RXFP1: variants seen among roughly 807,000 people sequenced by gnomAD.
RXFP1 encodes relaxin family peptide receptor 1, also known as relaxin receptor 1.
In RXFP1, 73 loss-of-function variants were observed where a neutral mutation model predicts 89.8. The observed-to-expected ratio is 0.81, with a 90% CI of 0.67 to 0.99. The LOEUF (loss-of-function observed/expected upper bound fraction) is 0.99, where lower values mean the gene tolerates loss of function less well. Among genes scored for constraint, RXFP1 ranks in the 50% least tolerant of loss-of-function variants. The pLI is 0.00. For synonymous variants in RXFP1, 277 were observed against 305.5 expected, an observed-to-expected ratio of 0.91 and a Z score of 0.97; for missense variants, 793 against 895.5, an observed-to-expected ratio of 0.89 and a Z score of 1.46.
chr4:158,535,592 A>C (rs1745098310), intron 1 of RXFP1, among the ~76,000 whole-genome samples: 1 of 152,256 alleles, frequency 6.6e-6, no homozygotes, highest in South Asian at 2.1e-4. Context: ...ATTGCACTTG[A>C]GTCACTGGAA....
At chr4:158,547,206 A>G in intron 1 of RXFP1, among the ~76,000 whole-genome samples, 1 of 151,900 alleles carries the variant, frequency 6.6e-6, no homozygotes, top group Admixed American at 6.6e-5. Context: ...GAATTTATCC[A>G]TTTCTTCTAG....
At chr4:158,650,788 A>T (rs1772554011) in intron 17 of RXFP1, among the ~76,000 whole-genome samples, 1 of 152,062 alleles carries the variant, frequency 6.6e-6, no homozygotes, top group Non-Finnish European at 1.5e-5. Context: ...AAACAATTGT[A>T]TATATTAATA....
At chr4:158,546,633 C>G (rs1560983665) in intron 1 of RXFP1, among the ~76,000 whole-genome samples, 1 of 152,146 alleles carries the variant, frequency 6.6e-6, no homozygotes, top group Non-Finnish European at 1.5e-5. Flanking sequence ...CCATCGATAC[C>G]TAATTTATTG....
chr4:158,652,351 C>T lies in RXFP1; in HGVS notation c.*296C>T, dbSNP rs147236466. ...TGAGTACCCACTACTATGTGCATAG[C>T]ATTGCAATATAGTCCTGGAAGTAGA... On this transcript the variant is annotated 3_prime_UTR_variant, in exon 18 of 18. Transcript: ENST00000307765. The T allele has an allele frequency of 4.5e-4, 116 of 257,934 alleles. No homozygotes were observed. Among genetic ancestry groups the T allele is most frequent in the African/African-American group, 2.5e-3 (112 of 44,366 alleles). The allele number at this position is 257,934 out of a possible 1,614,324, so 16.0% of individuals were successfully genotyped here. A position where few individuals can be genotyped will look rare whatever the true frequency, so the allele number is the denominator to read the frequency against.
intron 1 of RXFP1, among the ~76,000 whole-genome samples, chr4:158,525,654 G>A (rs1237565951): frequency 2.0e-5 from 3 of 152,120 alleles, no homozygotes; most frequent in African/African-American, 4.8e-5. Flanking sequence ...TATATTTATG[G>A]GTGTAGTTGT....
intron 1 of RXFP1, among the ~76,000 whole-genome samples, chr4:158,528,775 T>A (rs1407929264): frequency 6.6e-6 from 1 of 152,160 alleles, no homozygotes; most frequent in East Asian, 1.9e-4. Flanking sequence ...CAGGAGTAAT[T>A]TATAGACTAT....
chr4:158,607,298 T>A (rs1401581036), intron 5 of RXFP1, among the ~76,000 whole-genome samples: 4 of 151,610 alleles, frequency 2.6e-5, no homozygotes, highest in African/African-American at 9.8e-5. Context: ...CAATCTAATT[T>A]ATATTCTTCT....
chr4:158,607,531 T>C (rs1335986119), intron 5 of RXFP1, among the ~76,000 whole-genome samples: 1 of 152,204 alleles, frequency 6.6e-6, no homozygotes, highest in African/African-American at 2.4e-5. Context: ...GTTTAAAGAA[T>C]TATAACAAGA....
At chr4:158,606,379 A>G (rs1268562716) in intron 5 of RXFP1, among the ~76,000 whole-genome samples, 1 of 152,228 alleles carries the variant, frequency 6.6e-6, no homozygotes, top group Non-Finnish European at 1.5e-5. Context: ...AATTTGTTCC[A>G]TATAACAAAA....
At chr4:158,651,405 C>T (rs1057057398) in intron 17 of RXFP1, among the ~76,000 whole-genome samples, 5 of 152,122 alleles carry the variant, frequency 3.3e-5, no homozygotes, top group African/African-American at 4.8e-5. Context: ...TTATTAAGCA[C>T]TTAAATTTAT....
chr4:158,622,893 G>A (rs1254329963), intron 9 of RXFP1, among the ~76,000 whole-genome samples: 5 of 152,078 alleles, frequency 3.3e-5, no homozygotes, highest in Non-Finnish European at 7.4e-5. Flanking sequence ...TAAGGTGATG[G>A]GTATGTTAAT....
rs1241024798 is a variant in RXFP1 at position 158,608,810 on chromosome 4, AGCCCCTG to A, written c.536+770_536+776del. Among the ~76,000 whole-genome samples the A allele has an allele frequency of 8.5e-5, 13 of 152,214 alleles. No homozygotes were observed. In the South Asian group the frequency reaches 2.7e-3, roughly 32 times the overall value. ...TCTCTCCCAATTTCCCCCTCTCCCC[AGCCCCTG>A]GCAACCATCATTCTACTTTCTGTAT... On this transcript the variant is annotated intron_variant, in intron 6 of 17. Transcript: ENST00000307765.
chr4:158,588,636 C>T (rs1307244080), intron 2 of RXFP1, among the ~76,000 whole-genome samples: 1 of 152,202 alleles, frequency 6.6e-6, no homozygotes. Context: ...AACCAAGATA[C>T]ATGTGAGTGG....
intron 11 of RXFP1, among the ~76,000 whole-genome samples, chr4:158,633,169 CA>C (rs1305073670): frequency 2.1e-5 from 3 of 144,844 alleles, no homozygotes; most frequent in Non-Finnish European, 3.0e-5. Context: ...TACTCGGTCT[CA>C]AAAAAAAAAG....
intron 16 of RXFP1, among the ~76,000 whole-genome samples, chr4:158,647,598 A>G (rs1011074515): frequency 2.6e-5 from 4 of 152,216 alleles, no homozygotes; most frequent in African/African-American, 2.4e-5. Flanking sequence ...GGCCAGGCAC[A>G]ATGGCTTGTG....
chr4:158,611,621 C>T (rs1351750967), intron 6 of RXFP1, among the ~76,000 whole-genome samples: 1 of 152,194 alleles, frequency 6.6e-6, no homozygotes, highest in Non-Finnish European at 1.5e-5. Context: ...TTGTGAATTG[C>T]ATGTCTTCAT....
chr4:158,565,230 G>A (rs1753312186), intron 1 of RXFP1, among the ~76,000 whole-genome samples: 1 of 152,182 alleles, frequency 6.6e-6, no homozygotes, highest in South Asian at 2.1e-4. Context: ...TCAGGAAAGG[G>A]AGTAACAGAT....
chr4:158,524,864 G>A (rs577406064), intron 1 of RXFP1, among the ~76,000 whole-genome samples: 14 of 152,274 alleles, frequency 9.2e-5, no homozygotes, highest in Non-Finnish European at 2.1e-4. Context: ...TAGATAGGCA[G>A]GAAACAAGTG....
At chr4:158,527,764 C>G (rs1742957128) in intron 1 of RXFP1, among the ~76,000 whole-genome samples, 1 of 151,736 alleles carries the variant, frequency 6.6e-6, no homozygotes. Flanking sequence ...TAAAATCAGA[C>G]TTTTTTGAGT....
Sources: gnomAD v4.1 joint callset for allele counts (sites outside exome capture counted in the v4.1 genomes callset) on GRCh38, gnomAD v4.1.1 for gene constraint, MANE v1.5 for transcripts, NCBI Gene and HGNC (gene_info 2026-07-23, HGNC 2026-07-21) for gene names.